NGLY1: variants seen among roughly 807,000 people sequenced by gnomAD.
NGLY1 encodes the protein N-glycanase 1, also known as peptide-N(4)-(N-acetyl-beta-glucosaminyl)asparagine amidase.
Under a neutral mutation model 84.6 loss-of-function variants are expected in NGLY1, and 68 were observed. The ratio of observed to expected loss-of-function variants is 0.80; its 90% CI spans 0.66 to 0.98. The LOEUF is 0.98. Ranked by LOEUF, NGLY1 falls within the 50% of genes least tolerant of loss-of-function variation. The pLI is 0.00. For synonymous variants in NGLY1, 280 were observed against 275.2 expected (o/e 1.02, Z -0.17); for missense variants, 779 against 770.2 (o/e 1.01, Z -0.14).
chr3:25,748,954 T>C (rs998558325), intron 4 of NGLY1, among the ~76,000 whole-genome samples: 1 of 152,052 alleles, frequency 6.6e-6, no homozygotes, highest in Non-Finnish European at 1.5e-5. Context: ...TAAACATTTC[T>C]CCAAAGAAGA....
chr3:25,732,525 A>G (rs1705594892), intron 8 of NGLY1, 42 bp from the exon 9 acceptor site: 1 of 1,515,164 alleles, frequency 6.6e-7, no homozygotes, highest in Non-Finnish European at 9.1e-7. Context: ...AGATTAGGGG[A>G]ATGTATAGGT....
At chr3:25,752,911 A>G (rs952390204) in intron 3 of NGLY1, among the ~76,000 whole-genome samples, 1 of 152,106 alleles carries the variant, frequency 6.6e-6, no homozygotes, top group Non-Finnish European at 1.5e-5. Flanking sequence ...CAGTCAATTA[A>G]TAACCAAAGG....
upstream of NGLY1, among the ~76,000 whole-genome samples, chr3:25,787,970 T>C (rs1223191289): frequency 1.3e-5 from 2 of 152,234 alleles, no homozygotes; most frequent in African/African-American, 4.8e-5. Flanking sequence ...TCAAGGATCA[T>C]TTCTCTGAAG....
intron 10 of NGLY1, 63 bp from the exon 11 acceptor site, chr3:25,720,254 A>T (rs941816912): frequency 1.5e-6 from 2 of 1,323,274 alleles, no homozygotes; most frequent in Admixed American, 3.8e-5. Context: ...ATAGAAAACA[A>T]ACTTAGTGAA....
intron 3 of NGLY1, among the ~76,000 whole-genome samples, chr3:25,753,675 ATTATAT>A (rs1706879177): frequency 6.6e-6 from 1 of 152,118 alleles, no homozygotes; most frequent in Non-Finnish European, 1.5e-5. Flanking sequence ...GACTAAAAAG[ATTATAT>A]TTAACTTCCT....
chr3:25,768,422 TAAAAAA>T (rs71087723), intron 2 of NGLY1, among the ~76,000 whole-genome samples: 1 of 134,428 alleles, frequency 7.4e-6, no homozygotes. Flanking sequence ...AAACTCCATC[TAAAAAA>T]AAAAAAAAAA....
chr3:25,735,486 C>T (rs1489811813), intron 7 of NGLY1: 2 of 152,102 alleles, frequency 1.3e-5, no homozygotes, highest in African/African-American at 4.8e-5. Flanking sequence ...AATGAAATGC[C>T]ACTACACACC....
Position 25,783,268 on chromosome 3 carries a change from G to A in NGLY1, c.123C>T (p.Asn41=), listed in dbSNP as rs142425326. 613 of 1,608,718 alleles carry A rather than the reference G, an allele frequency of 3.8e-4. 5 individuals carry two copies. In the East Asian group the frequency reaches 0.012, roughly 32 times the overall value. The change falls in exon 1 of 12, where the codon AAC becomes AAT. Residue 41 remains asparagine (N), a synonymous_variant. Coordinates refer to ENST00000280700, the MANE Select transcript of NGLY1 (RefSeq NM_018297.4). The surrounding 1 kb of genome is among the most constrained non-coding windows in gnomAD (Gnocchi z 4.5). ...ASKLLLTYAD[N]ILRNPNDEKY... ...ACCCCGTTGCCCTGCACCTGAGGAT[G>A]TTGTCAGCATAGGTGAGCAGCAGCT...
rs766491799 is a variant in NGLY1 at position 25,778,653 on chromosome 3, A to G, written c.167T>C (p.Ile56Thr). 23 of 1,611,806 alleles carry G rather than the reference A, an allele frequency of 1.4e-5. No individual in the cohort carries two copies. Among genetic ancestry groups the G allele is most frequent in the Non-Finnish European group, 1.9e-5 (22 of 1,179,044 alleles). ...PNDEKYRSIR[I>T]GNTAFSTRLL... ...TCTAGTAGAAAAGGCTGTGTTTCCAATCCGGATGGATCTATATTTTTCATC... is the reference window on the plus strand; with the variant it reads ...TCTAGTAGAAAAGGCTGTGTTTCCAGTCCGGATGGATCTATATTTTTCATC... The change falls in exon 2 of 12, where the codon ATT becomes ACT. Residue 56 changes from isoleucine (I) to threonine (T), a missense_variant. Coordinates refer to ENST00000280700, the MANE Select transcript of NGLY1 (RefSeq NM_018297.4).
intron 3 of NGLY1, among the ~76,000 whole-genome samples, chr3:25,754,694 G>A (rs1706940023): frequency 6.7e-6 from 1 of 148,580 alleles, no homozygotes; most frequent in Non-Finnish European, 1.5e-5. Context: ...GATATGAAAA[G>A]AACTTAGGAA....
chr3:25,789,827 A>G, intron 1 of NGLY1: 1 of 1,551,452 alleles, frequency 6.4e-7, no homozygotes, highest in South Asian at 1.2e-5. Flanking sequence ...TCACTGCCAA[A>G]GAAAAATGCC....
At position 25,778,491 on chromosome 3, in the gene NGLY1, T is replaced by A. The variant is rs559635540; in HGVS notation, c.246+83A>T. The A allele has an allele frequency of 3.8e-4, 263 of 691,602 alleles. 1 individual carries two copies. Among genetic ancestry groups the A allele is most frequent in the Non-Finnish European group, 4.9e-4 (205 of 422,424 alleles). 42.8% of individuals were successfully genotyped at this position (691,602 alleles called of 1,614,324 possible). A position where few individuals can be genotyped will look rare whatever the true frequency, so the allele number is the denominator to read the frequency against. On this transcript the variant is annotated intron_variant, in intron 2 of 11. Coordinates refer to ENST00000280700, the MANE Select transcript of NGLY1 (RefSeq NM_018297.4). ...CAAAATGATAAATTAAAAAACATTA[T>A]CTTATTCAAACAATTATTCACCAAC...
chr3:25,788,534 T>G (rs566284451), intron 1 of NGLY1, among the ~76,000 whole-genome samples: 7 of 152,336 alleles, frequency 4.6e-5, no homozygotes, highest in African/African-American at 1.7e-4. Context: ...ACAAAAATGA[T>G]GGTCTTTTTA....
chr3:25,748,062 G>T (rs909096431), intron 4 of NGLY1, among the ~76,000 whole-genome samples: 4 of 152,140 alleles, frequency 2.6e-5, no homozygotes, highest in Admixed American at 6.6e-5. Flanking sequence ...CAGGGAAAAA[G>T]ATTTTACCAG....
chr3:25,767,182 C>T (rs1484380514), intron 2 of NGLY1, among the ~76,000 whole-genome samples: 3 of 151,804 alleles, frequency 2.0e-5, no homozygotes, highest in African/African-American at 7.3e-5. Context: ...ATCCCAACTA[C>T]TCGGGAGGCT....
At chr3:25,768,796 C>A (rs982582057) in intron 2 of NGLY1, among the ~76,000 whole-genome samples, 121 of 151,774 alleles carry the variant, frequency 8.0e-4, no homozygotes, top group Non-Finnish European at 1.3e-3. Flanking sequence ...CCCACCTTGG[C>A]CTCCCAAAGT....
chr3:25,749,673 G>C (rs1706628046), intron 4 of NGLY1: 1 of 1,549,486 alleles, frequency 6.5e-7, no homozygotes, highest in East Asian at 2.2e-5. Context: ...AGTTATGGGA[G>C]CAACAAAAAA....
chr3:25,751,272 A>AG lies in NGLY1; in HGVS notation c.493-10_493-9insC. The AG allele has an allele frequency of 8.7e-7, 1 of 1,142,960 alleles. No homozygotes were observed. Among genetic ancestry groups the AG allele is most frequent in the Non-Finnish European group, 1.2e-6 (1 of 854,692 alleles). The allele number at this position is 1,142,960 out of a possible 1,614,324, so 70.8% of individuals were successfully genotyped here. On this transcript the variant is annotated splice_polypyrimidine_tract_variant and intron_variant, in intron 3 of 11. Coordinates refer to ENST00000280700, the MANE Select transcript of NGLY1 (RefSeq NM_018297.4). ...GCTGAGTCAGCAGCAACCTAATAGG[A>AG]AAAAAAAAAACTGAAATTAACTTTT...
Position 25,727,164 on chromosome 3 carries a change from C to T in NGLY1, c.1611+1969G>A, listed in dbSNP as rs142560664. Among the ~76,000 whole-genome samples, 511 of 152,110 alleles carry T rather than the reference C, an allele frequency of 3.4e-3. 10 individuals carry two copies. Among genetic ancestry groups the T allele is most frequent in the East Asian group, 7.7e-3 (40 of 5,172 alleles). On this transcript the variant is annotated intron_variant, in intron 10 of 11. Coordinates refer to ENST00000280700, the MANE Select transcript of NGLY1 (RefSeq NM_018297.4). The stretch of plus-strand genomic sequence containing the variant: ...AAGTTATAACGACAATTGTTACTTC[C>T]GAGTTATCACTCTCTACAAGTAAAG...
Sources: allele counts gnomAD v4.1 joint callset (sites outside exome capture counted in the v4.1 genomes callset), GRCh38; gene constraint gnomAD v4.1.1; non-coding constraint Gnocchi (gnomAD v3.1); transcripts MANE v1.5; gene names NCBI Gene and HGNC (gene_info 2026-07-23, HGNC 2026-07-21).